The following PRRC2B variants were observed in gnomAD, a reference collection of about 807,000 sequenced individuals.
PRRC2B encodes the protein protein PRRC2B.
A neutral mutation model predicts 242.3 loss-of-function variants in PRRC2B; 68 were observed. That is an observed-to-expected ratio of 0.28 (90% CI 0.23 to 0.34). The LOEUF (loss-of-function observed/expected upper bound fraction) is 0.34. PRRC2B is among the 10% of genes least tolerant of loss of function. The probability of loss-of-function intolerance (pLI) is 1.00; values close to 1 mark genes in which losing one functional copy is unlikely to be tolerated. For synonymous variants in PRRC2B, 1,228 were observed against 1,173.6 expected, an observed-to-expected ratio of 1.05 and a Z score of -0.95; for missense variants, 2,835 against 2,954.8, an observed-to-expected ratio of 0.96 and a Z score of 0.94.
chr9:131,475,481 C>G lies in PRRC2B; in HGVS notation c.3352C>G (p.Pro1118Ala), dbSNP rs748896617. 1.9e-6 allele frequency: 3 copies of G among 1,595,192 alleles called. No individual in the cohort carries two copies. Among genetic ancestry groups the G allele is most frequent in the Non-Finnish European group, 2.6e-6 (3 of 1,170,590 alleles). Residue 1118 changes from proline (P) to alanine (A), a missense_variant, in exon 16 of 32, where the codon CCA (proline) becomes GCA (alanine). By Grantham distance (27) the Pro-to-Ala change is conservative. Around this residue, in one of 7 missense-constraint regions of PRRC2B, gnomAD observed 1,536 missense variants for 1,483.1 expected, o/e 1.04. Coordinates refer to ENST00000683519, the MANE Select transcript of PRRC2B (RefSeq NM_013318.4). ...RGRGLREFAR[P>A]EDCPRAKPRR... ...CCGGGGCCTGCGAGAGTTTGCGCGG[C>G]CAGAGGACTGCCCCAGAGCCAAGCC... is the stretch of plus-strand genomic sequence containing the variant.
intron 1 of PRRC2B, among the ~76,000 whole-genome samples, chr9:131,388,840 C>CTT (rs1315362492): frequency 0.014 from 1,755 of 121,104 alleles, 72 homozygotes; most frequent in African/African-American, 0.042. Context: ...CTCCTTTTAC[C>CTT]TTTTTTTTTT....
intron 3 of PRRC2B, among the ~76,000 whole-genome samples, chr9:131,435,613 TAAAAAAAAAAAAAA>T (rs66831387): frequency 0.012 from 1,777 of 147,066 alleles, 42 homozygotes; most frequent in African/African-American, 0.043. Flanking sequence ...AGACTCCATC[TAAAAAAAAAAAAAA>T]AAAAAAAAAA....
rs1944043418 is a variant in PRRC2B, at chr9:131,487,049, T to A, written c.5857-118T>A. ...GAAGCCCAGGAATGACATGCTGGCATTTGAATTTTGGGCAGTGTTCCAGCA... is the reference window on the plus strand; with the variant it reads ...GAAGCCCAGGAATGACATGCTGGCAATTGAATTTTGGGCAGTGTTCCAGCA... On this transcript the variant is annotated intron_variant, in intron 26 of 31. Transcript: ENST00000683519. This position sits in a 1 kb window ranked among gnomAD's most constrained non-coding sequence, Gnocchi z 5.3. 2 of 849,908 alleles carry A rather than the reference T, an allele frequency of 2.4e-6. No homozygotes were observed. Among genetic ancestry groups the A allele is most frequent in the Non-Finnish European group, 3.8e-6 (2 of 526,116 alleles). The allele number at this position is 849,908 out of a possible 1,614,324, so 52.6% of individuals were successfully genotyped here. A position where few individuals can be genotyped will look rare whatever the true frequency, so the allele number is the denominator to read the frequency against.
At chr9:131,443,552 G>A (rs930948048) in intron 5 of PRRC2B, among the ~76,000 whole-genome samples, 3 of 151,886 alleles carry the variant, frequency 2.0e-5, no homozygotes, top group Non-Finnish European at 4.4e-5. Context: ...TCCCACCCCA[G>A]CCTCCTGAGT....
chr9:131,420,486 T>TTTCCTTCTTTCCTTCTTTCC (rs1214915189), intron 1 of PRRC2B, among the ~76,000 whole-genome samples: 1 of 18,270 alleles, frequency 5.5e-5, no homozygotes, highest in African/African-American at 1.2e-4. Flanking sequence ...TCTTTCTTTC[T>TTTCCTTCTTTCCTTCTTTCC]TTCTTTCTTT....
chr9:131,443,028 G>A (rs1358177587), intron 5 of PRRC2B, among the ~76,000 whole-genome samples: 2 of 149,846 alleles, frequency 1.3e-5, no homozygotes, highest in Non-Finnish European at 3.0e-5. Context: ...AGGTGAATGA[G>A]GAGTTACTCA....
chr9:131,483,266 G>A (rs560317930), intron 22 of PRRC2B, 93 bp from the exon 23 acceptor site: 60 of 1,217,728 alleles, frequency 4.9e-5, no homozygotes, highest in Non-Finnish European at 6.6e-5. Context: ...GAGTTTTTGA[G>A]TCGGGGAAAC....
chr9:131,444,449 T>G, intron 6 of PRRC2B, 121 bp downstream of exon 6: 1 of 921,016 alleles, frequency 1.1e-6, no homozygotes, highest in Non-Finnish European at 1.5e-6. Flanking sequence ...GAAACGTGGC[T>G]CTTTGACTCG....
intron 3 of PRRC2B, 133 bp downstream of exon 3, chr9:131,432,927 T>C (rs1436455999): frequency 9.5e-6 from 8 of 843,584 alleles, no homozygotes; most frequent in Non-Finnish European, 1.3e-5. Flanking sequence ...ATTGGAACAC[T>C]GGGAGATGCA....
At position 131,475,358 on chromosome 9, in the gene PRRC2B, C is replaced by T. The variant is rs776283820; in HGVS notation, c.3229C>T (p.Arg1077Cys). ...RGRGFREFTF[R>C]GRPAGGNGSG... Reference sequence around the variant, plus strand: ...CCGTGGTTTCAGAGAGTTCACTTTTCGTGGTCGGCCTGCTGGCGGAAATGG... The same window carrying T: ...CCGTGGTTTCAGAGAGTTCACTTTTTGTGGTCGGCCTGCTGGCGGAAATGG... The change falls in exon 16 of 32, where the codon CGT becomes TGT. Residue 1077 changes from arginine (R) to cysteine (C), a missense_variant. Arg to Cys is a radical substitution (Grantham distance 180). Around this residue, in one of 7 missense-constraint regions of PRRC2B, gnomAD observed 1,536 missense variants for 1,483.1 expected, o/e 1.04. Transcript: ENST00000683519. The T allele has an allele frequency of 5.0e-6, 8 of 1,584,742 alleles. No individual in the cohort carries two copies. Among genetic ancestry groups the T allele is most frequent in the East Asian group, 2.2e-5 (1 of 44,606 alleles).
upstream of PRRC2B, among the ~76,000 whole-genome samples, chr9:131,392,884 C>T (rs933449023): frequency 1.4e-5 from 2 of 145,580 alleles, no homozygotes; most frequent in Non-Finnish European, 3.0e-5. Context: ...TGTGCCACTG[C>T]ACTCCAGCCT....
At position 131,487,210 on chromosome 9, in the gene PRRC2B, T is replaced by C. The variant is rs1413467691; in HGVS notation, c.5900T>C (p.Leu1967Pro). 1 of 1,613,764 alleles carries C rather than the reference T, an allele frequency of 6.2e-7. No homozygotes were observed. Among genetic ancestry groups the C allele is most frequent in the Non-Finnish European group, 8.5e-7 (1 of 1,179,724 alleles). ...QQIPISLHTS[L>P]QAQAQLGLRG... ...ATCCCGATCTCCCTTCACACATCTC[T>C]GCAGGCACAAGCTCAGCTTGGACTG... The change falls in exon 27 of 32, where the codon CTG (leucine) becomes CCG (proline). Residue 1967 changes from leucine (L) to proline (P), a missense_variant. Leu to Pro is a moderately conservative substitution (Grantham distance 98). This residue lies in a region of PRRC2B where 574 missense variants were observed against 626.0 expected (regional missense o/e 0.92). Coordinates refer to ENST00000683519, the MANE Select transcript of PRRC2B (RefSeq NM_013318.4). This position sits in a 1 kb window ranked among gnomAD's most constrained non-coding sequence, Gnocchi z 5.3.
chr9:131,476,995 G>A (rs562601046), intron 16 of PRRC2B, among the ~76,000 whole-genome samples: 12 of 152,334 alleles, frequency 7.9e-5, no homozygotes, highest in African/African-American at 2.6e-4. Context: ...GTGAGGAGAC[G>A]TGGCCCCACG....
Position 131,377,138 on chromosome 9 carries a change from C to T in PRRC2B, c.-56+3407C>T, listed in dbSNP as rs544787548. On this transcript the variant is annotated intron_variant, in intron 1 of 1. Transcript: ENST00000682525. The stretch of plus-strand genomic sequence containing the variant: ...ACAATTAATTTTTTTTTTTTTGAGA[C>T]GGAGTCTCGCTTTGTCACCAGGCCG... Among the ~76,000 whole-genome samples the T allele has an allele frequency of 1.5e-4, 23 of 151,384 alleles. No individual in the cohort carries two copies. In the South Asian group the frequency reaches 4.0e-3, roughly 26 times the overall value.
chr9:131,427,180 A>AT lies in PRRC2B; in HGVS notation c.-51-2914_-51-2913insT, dbSNP rs752092564. ...GATTGGCAGATCTTAGGTATCAGTCAATACCTGTTAAATGAATGAAAGGAT... is the reference window on the plus strand; with the variant it reads ...GATTGGCAGATCTTAGGTATCAGTCATATACCTGTTAAATGAATGAAAGGAT... On this transcript the variant is annotated intron_variant, in intron 1 of 31. Coordinates refer to ENST00000683519, the MANE Select transcript of PRRC2B (RefSeq NM_013318.4). Among the ~76,000 whole-genome samples, 52 of 152,242 alleles carry AT rather than the reference A, an allele frequency of 3.4e-4. 1 individual carries two copies. The highest frequency in any genetic ancestry group is 6.0e-4 in the Non-Finnish European group (41 of 68,044).
intron 25 of PRRC2B, 142 bp downstream of exon 25, chr9:131,485,282 G>A (rs1183190582): frequency 7.3e-6 from 5 of 688,124 alleles, no homozygotes; most frequent in East Asian, 2.7e-5. Flanking sequence ...CCCAGTGGTC[G>A]TAGCTCCCAT....
rs1209709182 is a variant in PRRC2B at position 131,500,108 on chromosome 9, T to C, written c.*4234T>C. On this transcript the variant is annotated 3_prime_UTR_variant, in exon 32 of 32. Transcript: ENST00000683519. ...CCCTTTCCCTCCGGTTCAGTACCTA[T>C]TGTTTCTCCTTTCAAATATGTGATT... 1 of 152,232 alleles carries C rather than the reference T, an allele frequency of 6.6e-6. No individual in the cohort carries two copies. Among genetic ancestry groups the C allele is most frequent in the Non-Finnish European group, 1.5e-5 (1 of 68,042 alleles). 9.4% of individuals were successfully genotyped at this position (152,232 alleles called of 1,614,324 possible). A position where few individuals can be genotyped will look rare whatever the true frequency, so the allele number is the denominator to read the frequency against.
chr9:131,447,754 A>C lies in PRRC2B; in HGVS notation c.1070A>C (p.Asn357Thr), dbSNP rs1398854207. ...APRPTIINAENLKGLDDLDAD... is the reference protein window; with the variant it reads ...APRPTIINAETLKGLDDLDAD... The stretch of plus-strand genomic sequence containing the variant: ...CGGCCCACCATTATCAATGCGGAAA[A>C]CCTGAAGGGCCTTGACGATCTGGAC... Residue 357 changes from asparagine to threonine, a missense_variant, in exon 9 of 32, where the codon AAC (asparagine) becomes ACC (threonine). This residue lies in a region of PRRC2B where 626 missense variants were observed against 685.5 expected (regional missense o/e 0.91). Coordinates refer to ENST00000683519, the MANE Select transcript of PRRC2B (RefSeq NM_013318.4). The C allele has an allele frequency of 1.2e-5, 20 of 1,613,626 alleles. No individual in the cohort carries two copies. Among genetic ancestry groups the C allele is most frequent in the East Asian group, 4.5e-5 (2 of 44,886 alleles).
intron 26 of PRRC2B, chr9:131,486,679 C>A: frequency 3.5e-6 from 1 of 289,004 alleles, no homozygotes; most frequent in Non-Finnish European, 5.2e-6. Flanking sequence ...CCCCTCAGAC[C>A]CATGTGCCTC....
Sources: gnomAD v4.1 joint callset for allele counts (sites outside exome capture counted in the v4.1 genomes callset) on GRCh38, gnomAD v4.1.1 for gene constraint, gnomAD v4.1.1 regional missense constraint, Gnocchi (gnomAD v3.1) non-coding constraint, MANE v1.5 for transcripts, NCBI Gene and HGNC (gene_info 2026-07-23, HGNC 2026-07-21) for gene names.